Variants in LRCH3 observed in about 807,000 individuals in gnomAD.
LRCH3 encodes DISP complex protein LRCH3.
A neutral mutation model predicts 104.5 loss-of-function variants in LRCH3; 68 were observed. That is an observed-to-expected ratio of 0.65 (90% CI 0.54 to 0.80). The LOEUF (loss-of-function observed/expected upper bound fraction) is 0.80, where lower values mean the gene tolerates loss of function less well. LRCH3 is among the 30% of genes least tolerant of loss of function. LRCH3 has a pLI of 0.00. For synonymous variants in LRCH3, 344 were observed against 361.3 expected (o/e 0.95, Z 0.54); for missense variants, 951 against 953.9 (o/e 1.00, Z 0.04).
chr3:197,848,985 C>T (rs1739172807), intron 12 of LRCH3, among the ~76,000 whole-genome samples: 1 of 152,118 alleles, frequency 6.6e-6, no homozygotes, highest in South Asian at 2.1e-4. Context: ...CAAATCTGGC[C>T]GGGTGTGGTG....
intron 1 of LRCH3, 99 bp downstream of exon 1, chr3:197,791,639 C>T (rs1730523223): frequency 1.5e-6 from 2 of 1,340,384 alleles, no homozygotes; most frequent in Non-Finnish European, 9.8e-7. Context: ...GCAGCTCGTC[C>T]CGTAGGCGCC....
At chr3:197,809,279 CAG>C (rs1388422730) in intron 1 of LRCH3, among the ~76,000 whole-genome samples, 1 of 150,980 alleles carries the variant, frequency 6.6e-6, no homozygotes, top group Non-Finnish European at 1.5e-5. Flanking sequence ...GCTGGGGTAA[CAG>C]AGTGAGACCC....
At chr3:197,851,664 T>G (rs549701373) in intron 12 of LRCH3, among the ~76,000 whole-genome samples, 2 of 152,366 alleles carry the variant, frequency 1.3e-5, no homozygotes, top group Admixed American at 1.3e-4. Flanking sequence ...AAATATTAAC[T>G]ATCTCAGAAT....
At chr3:197,879,957 T>TA (rs1200398324) in intron 20 of LRCH3, among the ~76,000 whole-genome samples, 1 of 144,430 alleles carries the variant, frequency 6.9e-6, no homozygotes, top group African/African-American at 2.8e-5. Context: ...ATTTTTTTTT[T>TA]TTTTTTGAGA....
intron 1 of LRCH3, among the ~76,000 whole-genome samples, chr3:197,799,410 CTA>C (rs1402461991): frequency 6.6e-6 from 1 of 152,194 alleles, no homozygotes; most frequent in Non-Finnish European, 1.5e-5. Flanking sequence ...TAGAATCAAA[CTA>C]GTAGTAAAAA....
chr3:197,854,863 G>C lies in LRCH3; in HGVS notation c.1644+418G>C, dbSNP rs980988956. On this transcript the variant is annotated intron_variant, in intron 14 of 20. Transcript: ENST00000425562. This position sits in a 1 kb window ranked among gnomAD's most constrained non-coding sequence, Gnocchi z 4.5. ...CATCCAATTTTATGATGTATTTTCA[G>C]CTACTGAAAATCCTTCACTTTGGTT... Among the ~76,000 whole-genome samples the C allele has an allele frequency of 3.9e-5, 6 of 152,102 alleles. No individual in the cohort carries two copies.
chr3:197,868,520 T>C (rs1487040786), intron 17 of LRCH3, among the ~76,000 whole-genome samples: 1 of 152,216 alleles, frequency 6.6e-6, no homozygotes, highest in African/African-American at 2.4e-5. Context: ...TTGAGAAATA[T>C]GTACACACGT....
At chr3:197,824,005 A>G (rs1168722893) in intron 4 of LRCH3, among the ~76,000 whole-genome samples, 1 of 152,124 alleles carries the variant, frequency 6.6e-6, no homozygotes, top group Non-Finnish European at 1.5e-5. Flanking sequence ...AATTATGTAA[A>G]CATTGTTCCC....
chr3:197,850,564 T>C (rs1016297463), intron 12 of LRCH3: 1 of 1,587,432 alleles, frequency 6.3e-7, no homozygotes, highest in Non-Finnish European at 8.6e-7. Flanking sequence ...CCATGAGCTC[T>C]GTAGGTCCGG....
intron 4 of LRCH3, among the ~76,000 whole-genome samples, chr3:197,824,641 A>G (rs1240720043): frequency 6.8e-6 from 1 of 146,132 alleles, no homozygotes; most frequent in Admixed American, 7.0e-5. Context: ...ATCTCGGCTC[A>G]CGGTAACCTC....
intron 8 of LRCH3, among the ~76,000 whole-genome samples, chr3:197,834,945 A>G (rs191285005): frequency 1.0e-3 from 156 of 152,172 alleles, no homozygotes; most frequent in Non-Finnish European, 1.6e-3. Context: ...GGAGTTGGAG[A>G]CCAGCCTGGC....
At position 197,884,602 on chromosome 3, in the gene LRCH3, ACG is replaced by A. The variant is rs750428487; in HGVS notation, c.*937_*938del. The A allele has an allele frequency of 0.093, 14,147 of 152,184 alleles. 756 individuals carry two copies. Among genetic ancestry groups the A allele is most frequent in the African/African-American group, 0.13 (5,216 of 41,498 alleles). 9.4% of individuals were successfully genotyped at this position (152,184 alleles called of 1,614,324 possible). On this transcript the variant is annotated 3_prime_UTR_variant, in exon 21 of 21. Coordinates refer to ENST00000425562, the MANE Select transcript of LRCH3 (RefSeq NM_001365715.1). ...CTGCGCCCGGCGCCCGGCCCATTGC[ACG>A]TGTTTTTCATGTAGTGGAACCACTG...
At chr3:197,841,625 T>A (rs763705613) in intron 10 of LRCH3, among the ~76,000 whole-genome samples, 36 of 152,186 alleles carry the variant, frequency 2.4e-4, no homozygotes, top group Non-Finnish European at 5.0e-4. Context: ...GCCTACCGCA[T>A]CTTAGTCCAG....
At chr3:197,881,622 C>G in intron 20 of LRCH3, 7 of 985,480 alleles carry the variant, frequency 7.1e-6, no homozygotes, top group Non-Finnish European at 8.4e-6. Context: ...TGAATATTGT[C>G]TAGCTCTTTC....
Position 197,888,374 on chromosome 3 carries a change from T to C in LRCH3, c.*4708T>C, listed in dbSNP as rs1484470575. 1 of 152,224 alleles carries C rather than the reference T, an allele frequency of 6.6e-6. No homozygotes were observed. Among genetic ancestry groups the C allele is most frequent in the Non-Finnish European group, 1.5e-5 (1 of 68,042 alleles). The allele number at this position is 152,224 out of a possible 1,614,324, so 9.4% of individuals were successfully genotyped here. A position where few individuals can be genotyped will look rare whatever the true frequency, so the allele number is the denominator to read the frequency against. ...ATCATGTATGTTATTTTAAATTGCCTGTACGCCACTTTACACATTGACATT... is the reference window on the plus strand; with the variant it reads ...ATCATGTATGTTATTTTAAATTGCCCGTACGCCACTTTACACATTGACATT... On this transcript the variant is annotated 3_prime_UTR_variant, in exon 21 of 21. Transcript: ENST00000425562.
At chr3:197,857,193 G>T (rs1423403300) in intron 14 of LRCH3, among the ~76,000 whole-genome samples, 2 of 135,322 alleles carry the variant, frequency 1.5e-5, no homozygotes, top group Non-Finnish European at 3.0e-5. Flanking sequence ...GTTAATATCA[G>T]TTTACACTGA....
chr3:197,842,203 A>G (rs915719091), intron 10 of LRCH3, among the ~76,000 whole-genome samples: 2 of 152,144 alleles, frequency 1.3e-5, no homozygotes, highest in East Asian at 3.9e-4. Flanking sequence ...ACTTGATCCT[A>G]GTAACCAGTT....
At chr3:197,822,769 TGTTAC>T (rs1173809535) in intron 4 of LRCH3, 3 of 152,114 alleles carry the variant, frequency 2.0e-5, no homozygotes, top group African/African-American at 7.2e-5. Context: ...CCAAATAATA[TGTTAC>T]ATCATTCAAA....
chr3:197,858,883 C>T lies in LRCH3; in HGVS notation c.1694C>T (p.Ser565Phe). The change falls in exon 15 of 21, where the codon TCT (serine) becomes TTT (phenylalanine). Residue 565 changes from serine (S) to phenylalanine (F), a missense_variant. Coordinates refer to ENST00000425562, the MANE Select transcript of LRCH3 (RefSeq NM_001365715.1). Reference protein sequence around the residue: ...QVGCAATLPHSSAFTPLKSDD... With the variant: ...QVGCAATLPHFSAFTPLKSDD... ...GGCTGTGCTGCTACCCTGCCTCATT[C>T]TTCTGCCTTCACGCCTCTTAAGGTA... The T allele has an allele frequency of 6.2e-7, 1 of 1,613,856 alleles. No individual in the cohort carries two copies. Among genetic ancestry groups the T allele is most frequent in the South Asian group, 1.1e-5 (1 of 91,084 alleles).
Sources: allele counts gnomAD v4.1 joint callset (sites outside exome capture counted in the v4.1 genomes callset), GRCh38; gene constraint gnomAD v4.1.1; non-coding constraint Gnocchi (gnomAD v3.1); transcripts MANE v1.5; gene names NCBI Gene and HGNC (gene_info 2026-07-23, HGNC 2026-07-21).